Variants in FMO1 observed in about 807,000 individuals in gnomAD.
FMO1 encodes the protein flavin containing dimethylaniline monoxygenase 1.
In FMO1, 36 loss-of-function variants were observed where a neutral mutation model predicts 45.4. The ratio of observed to expected loss-of-function variants is 0.79; its 90% confidence interval spans 0.61 to 1.05. The LOEUF (loss-of-function observed/expected upper bound fraction) is 1.05, where lower values mean the gene tolerates loss of function less well. FMO1 is among the 50% of genes least tolerant of loss of function. FMO1 has a pLI of 0.00. For missense variants in FMO1, 615 were observed against 640.3 expected (o/e 0.96, Z 0.43); for synonymous variants, 228 against 227.2 (o/e 1.00, Z -0.03).
rs1661330398 is a variant in FMO1, at chr1:171,280,953, T to C, written c.795T>C (p.Asn265=). The part of the protein sequence containing the change: ...LMERKINNWL[N]HANYGLIPED... Reference sequence around the variant, plus strand: ...AGCGAAAGATAAACAACTGGCTCAATCATGCAAATTACGGCTTAATACCAG... The same window carrying C: ...AGCGAAAGATAAACAACTGGCTCAACCATGCAAATTACGGCTTAATACCAG... The change falls in exon 6 of 9, where the codon AAT becomes AAC. Residue 265 remains asparagine, a synonymous_variant. Transcript: ENST00000617670. The C allele has an allele frequency of 6.2e-7, 1 of 1,613,746 alleles. No individual in the cohort carries two copies. The highest frequency in any genetic ancestry group is 8.5e-7 in the Non-Finnish European group (1 of 1,179,818).
intron 4 of FMO1, among the ~76,000 whole-genome samples, chr1:171,275,814 A>G (rs1323406975): frequency 6.6e-6 from 1 of 152,160 alleles, no homozygotes; most frequent in East Asian, 1.9e-4. Context: ...GTCTTCTGAG[A>G]CATGGGATGC....
chr1:171,255,944 T>C (rs1660127526), intron 1 of FMO1, among the ~76,000 whole-genome samples: 1 of 152,156 alleles, frequency 6.6e-6, no homozygotes, highest in African/African-American at 2.4e-5. Flanking sequence ...TAAAAGTGGA[T>C]ATTCTTTATC....
At position 171,261,718 on chromosome 1, in the gene FMO1, G is replaced by A. The variant is rs28384866; in HGVS notation, c.132+3499G>A. 2.5e-3 allele frequency among the ~76,000 whole-genome samples: 378 copies of A among 151,998 alleles called. 1 individual carries two copies. Among genetic ancestry groups the A allele is most frequent in the African/African-American group, 8.7e-3 (361 of 41,460 alleles). The stretch of plus-strand genomic sequence containing the variant: ...GGGCAATATAACAAGACCCCGTTCC[G>A]TTCTCCATAAAAAGGAAAAAAAAGA... On this transcript the variant is annotated intron_variant, in intron 2 of 8. Transcript: ENST00000617670.
rs768061589 is a variant in FMO1, at chr1:171,258,075, C to T, written c.-6-7C>T. 2 of 1,613,932 alleles carry T rather than the reference C, an allele frequency of 1.2e-6. No homozygotes were observed. Among genetic ancestry groups the T allele is most frequent in the Admixed American group, 1.7e-5 (1 of 60,008 alleles). Reference sequence around the variant, plus strand: ...AATAAAAAGCCTGCTTCATCTTCCTCATGCAGGAGAACATGGCCAAGCGAG... The same window carrying T: ...AATAAAAAGCCTGCTTCATCTTCCTTATGCAGGAGAACATGGCCAAGCGAG... On this transcript the variant is annotated splice_region_variant and splice_polypyrimidine_tract_variant and intron_variant, in intron 1 of 8. Coordinates refer to ENST00000617670, the MANE Select transcript of FMO1 (RefSeq NM_001282693.2).
chr1:171,263,380 G>A (rs1275260429), intron 2 of FMO1, among the ~76,000 whole-genome samples: 1 of 152,290 alleles, frequency 6.6e-6, no homozygotes, highest in East Asian at 1.9e-4. Context: ...AAAATGTAGA[G>A]CTTGAGTATG....
At position 171,272,995 on chromosome 1, in the gene FMO1, C is replaced by T. The variant is rs375217816; in HGVS notation, c.322-2351C>T. 2.5e-3 allele frequency among the ~76,000 whole-genome samples: 381 copies of T among 152,198 alleles called. 1 individual carries two copies. The highest frequency in any genetic ancestry group is 8.3e-3 in the African/African-American group (343 of 41,516). ...GTAGAGTAATATGGTTTGTCTGTGT[C>T]CCCACTCAAATGTCATCTTGAATTC... On this transcript the variant is annotated intron_variant, in intron 3 of 8. Transcript: ENST00000617670.
In FMO1 at chr1:171,250,946, GT is replaced by G. The variant is rs1659861120; in HGVS notation, c.-7+2325del. 2.0e-5 allele frequency among the ~76,000 whole-genome samples: 3 copies of G among 152,264 alleles called. No homozygotes were observed. In the South Asian group the frequency reaches 6.2e-4, roughly 32 times the overall value. On this transcript the variant is annotated intron_variant, in intron 1 of 8. Transcript: ENST00000617670. Reference sequence around the variant, plus strand: ...GCTGGTGGGAAAAATATTAAAGATAGTTATGGAGATAGACACAAATCTTCTT... The same window carrying G: ...GCTGGTGGGAAAAATATTAAAGATAGTATGGAGATAGACACAAATCTTCTT...
At chr1:171,273,413 T>C (rs2101827425) in intron 3 of FMO1, among the ~76,000 whole-genome samples, 1 of 152,346 alleles carries the variant, frequency 6.6e-6, no homozygotes, top group East Asian at 1.9e-4. Context: ...AGCATTATCA[T>C]AATGAATATA....
chr1:171,283,137 C>T lies in FMO1; in HGVS notation c.1184-7C>T, dbSNP rs773174188. The T allele has an allele frequency of 6.7e-6, 10 of 1,482,686 alleles. No individual in the cohort carries two copies. The highest frequency in any genetic ancestry group is 9.3e-6 in the Non-Finnish European group (10 of 1,072,762). The allele number at this position is 1,482,686 out of a possible 1,614,324, so 91.8% of individuals were successfully genotyped here. ...TTGCATTTGAGGTTTTTATTTTAAT[C>T]CTACAGGTGTAAATAAGTTACCACC... On this transcript the variant is annotated splice_polypyrimidine_tract_variant and splice_region_variant and intron_variant, in intron 7 of 8. Transcript: ENST00000617670.
At chr1:171,277,588 A>AC (rs1483755278) in intron 4 of FMO1, among the ~76,000 whole-genome samples, 1 of 152,046 alleles carries the variant, frequency 6.6e-6, no homozygotes, top group Non-Finnish European at 1.5e-5. Flanking sequence ...TCCATTTGTG[A>AC]CCCCCCAAAA....
At position 171,249,592 on chromosome 1, in the gene FMO1, T is replaced by A. The variant is rs185607822; in HGVS notation, c.-7+969T>A. ...TCCAGCTGAATCTCTCTCTGATTACTCCTGAAATGTCACAACCCACTTGAG... is the reference window on the plus strand; with the variant it reads ...TCCAGCTGAATCTCTCTCTGATTACACCTGAAATGTCACAACCCACTTGAG... On this transcript the variant is annotated intron_variant, in intron 1 of 8. Coordinates refer to ENST00000617670, the MANE Select transcript of FMO1 (RefSeq NM_001282693.2). Among the ~76,000 whole-genome samples, 293 of 152,258 alleles carry A rather than the reference T, an allele frequency of 1.9e-3. 5 individuals carry two copies. Among genetic ancestry groups the A allele is most frequent in the Non-Finnish European group, 5.6e-4 (38 of 68,022 alleles).
intron 5 of FMO1, 21 bp downstream of exon 5, chr1:171,278,892 G>T: frequency 6.4e-7 from 1 of 1,570,478 alleles, no homozygotes; most frequent in Non-Finnish European, 8.7e-7. Flanking sequence ...GATGTTACTG[G>T]GTGAAGAGCT....
At chr1:171,271,511 C>T in intron 3 of FMO1, 1 of 890,824 alleles carries the variant, frequency 1.1e-6, no homozygotes. Flanking sequence ...GCTTCTTATG[C>T]TCTTCCCGAC....
Position 171,285,399 on chromosome 1 carries a change from G to T in FMO1, c.1454G>T (p.Arg485Ile). The T allele has an allele frequency of 6.2e-7, 1 of 1,613,634 alleles. No individual in the cohort carries two copies. The highest frequency in any genetic ancestry group is 8.5e-7 in the Non-Finnish European group (1 of 1,179,810). ...GGCCCAGGAAAATGGGAAGGAGCCA[G>T]AAATGCCATCATGACCCAGTGGGAC... ...LTGPGKWEGARNAIMTQWDRT... is the reference protein window; with the variant it reads ...LTGPGKWEGAINAIMTQWDRT... Residue 485 changes from arginine (R) to isoleucine (I), a missense_variant, in exon 9 of 9, where the codon AGA becomes ATA. Coordinates refer to ENST00000617670, the MANE Select transcript of FMO1 (RefSeq NM_001282693.2).
chr1:171,252,238 C>T (rs1174976309), intron 1 of FMO1, among the ~76,000 whole-genome samples: 1 of 152,122 alleles, frequency 6.6e-6, no homozygotes, highest in East Asian at 1.9e-4. Flanking sequence ...CCGATCCCAC[C>T]CCAGGCCCTG....
rs761387585 is a variant in FMO1 at position 171,285,441 on chromosome 1, T to C, written c.1496T>C (p.Ile499Thr). The C allele has an allele frequency of 2.0e-5, 32 of 1,603,652 alleles. No homozygotes were observed. Among genetic ancestry groups the C allele is most frequent in the Non-Finnish European group, 2.6e-5 (31 of 1,175,738 alleles). The change falls in exon 9 of 9, where the codon ATC becomes ACC. Residue 499 changes from isoleucine (I) to threonine (T), a missense_variant. Ile to Thr is a moderately conservative substitution (Grantham distance 89). Transcript: ENST00000617670. Reference protein sequence around the residue: ...MTQWDRTFKVIKARVVQESPS... With the variant: ...MTQWDRTFKVTKARVVQESPS... ...CAGTGGGACCGAACATTCAAGGTCA[T>C]CAAAGCTCGAGTTGTACAAGAGTCT... is the stretch of plus-strand genomic sequence containing the variant.
intron 1 of FMO1, among the ~76,000 whole-genome samples, chr1:171,251,284 C>T (rs1659876917): frequency 6.6e-6 from 1 of 152,112 alleles, no homozygotes; most frequent in South Asian, 2.1e-4. Flanking sequence ...TTACAGGACT[C>T]AGCAGGGAGC....
intron 1 of FMO1, among the ~76,000 whole-genome samples, chr1:171,254,915 C>T (rs1660086827): frequency 6.6e-6 from 1 of 152,220 alleles, no homozygotes; most frequent in African/African-American, 2.4e-5. Context: ...TAGCATCTTA[C>T]ACAGAATCTT....
chr1:171,284,659 G>A (rs1247309541), intron 8 of FMO1, among the ~76,000 whole-genome samples: 1 of 150,888 alleles, frequency 6.6e-6, no homozygotes, highest in Non-Finnish European at 1.5e-5. Flanking sequence ...TTGAGCCAAG[G>A]AGTTCAAGGT....
Sources: gnomAD v4.1 joint callset for allele counts (sites outside exome capture counted in the v4.1 genomes callset) on GRCh38, gnomAD v4.1.1 for gene constraint, MANE v1.5 for transcripts, NCBI Gene and HGNC (gene_info 2026-07-23, HGNC 2026-07-21) for gene names.